The following PRR16 variants were observed in gnomAD, a reference collection of about 807,000 sequenced individuals.
PRR16 encodes proline rich 16, also known as protein Largen.
PRR16 carries 6 observed loss-of-function variants against 18.2 expected under a neutral mutation model. The ratio of observed to expected loss-of-function variants is 0.33; its 90% CI spans 0.18 to 0.65. The LOEUF is 0.65. PRR16 is among the 30% of genes least tolerant of loss of function. The pLI is 0.74. For synonymous variants in PRR16, 151 were observed against 147.8 expected (o/e 1.02, Z -0.16); for missense variants, 412 against 376.6 (o/e 1.09, Z -0.78).
chr5:120,750,676 A>T, the PRR16 span, among the ~76,000 whole-genome samples: 1 of 152,022 alleles, frequency 6.6e-6, no homozygotes, highest in African/African-American at 2.4e-5. Context: ...CAAAAAAAAA[A>T]ATTATGGATA....
At chr5:120,465,115 T>A (rs761177383) in intron 1 of PRR16, among the ~76,000 whole-genome samples, 3 of 152,050 alleles carry the variant, frequency 2.0e-5, no homozygotes, top group Non-Finnish European at 2.9e-5. Context: ...CTGGGCCAGA[T>A]CAGGGAGGGC....
At chr5:120,476,664 C>G (rs563807236) in intron 1 of PRR16, among the ~76,000 whole-genome samples, 1 of 152,180 alleles carries the variant, frequency 6.6e-6, no homozygotes, top group African/African-American at 2.4e-5. Flanking sequence ...GAACAATCCT[C>G]CCCTACCTCT....
intron 1 of PRR16, among the ~76,000 whole-genome samples, chr5:120,488,822 G>A (rs1292773956): frequency 1.3e-5 from 2 of 152,068 alleles, no homozygotes; most frequent in Non-Finnish European, 2.9e-5. Context: ...TGCTTTGAAT[G>A]TGTCTCCCAG....
chr5:120,674,007 C>T lies in PRR16; in HGVS notation c.160-11947C>T, dbSNP rs557184403. Among the ~76,000 whole-genome samples the T allele has an allele frequency of 2.6e-5, 4 of 151,322 alleles. No homozygotes were observed. The South Asian group carries it at 8.3e-4, about 32-fold the overall frequency. On this transcript the variant is annotated intron_variant, in intron 1 of 1. Coordinates refer to ENST00000407149, the MANE Select transcript of PRR16 (RefSeq NM_001300783.2). The stretch of plus-strand genomic sequence containing the variant: ...TGTGCATTCATCTACAGTCTATGTA[C>T]AAATACTTCCTACATTTTTTTTATC...
the PRR16 span, among the ~76,000 whole-genome samples, chr5:120,746,664 G>C: frequency 6.6e-6 from 1 of 151,952 alleles, no homozygotes; most frequent in African/African-American, 2.4e-5. Flanking sequence ...CCAGAAATTT[G>C]TTTTCAATTT....
intron 1 of PRR16, among the ~76,000 whole-genome samples, chr5:120,492,050 A>G (rs1243233286): frequency 1.3e-5 from 2 of 150,910 alleles, no homozygotes; most frequent in East Asian, 2.0e-4. Flanking sequence ...ATAGTGTTCA[A>G]TCTCTTTGTT....
intron 1 of PRR16, among the ~76,000 whole-genome samples, chr5:120,562,525 G>T (rs1752609133): frequency 6.6e-6 from 1 of 151,892 alleles, no homozygotes; most frequent in African/African-American, 2.4e-5. Context: ...TGTTATTTAT[G>T]TTCTGATTGT....
At chr5:120,636,089 C>T (rs1235382000) in intron 1 of PRR16, among the ~76,000 whole-genome samples, 2 of 152,032 alleles carry the variant, frequency 1.3e-5, no homozygotes, top group Admixed American at 1.3e-4. Flanking sequence ...AAGACTTCTA[C>T]AAGGAAAACT....
chr5:120,559,097 C>A (rs1217873982), intron 1 of PRR16, among the ~76,000 whole-genome samples: 1 of 151,788 alleles, frequency 6.6e-6, no homozygotes, highest in Non-Finnish European at 1.5e-5. Context: ...TGTGTTGTCT[C>A]CTCACTTTAT....
Position 120,542,286 on chromosome 5 carries a change from G to A in PRR16, c.159+77641G>A, listed in dbSNP as rs556896079. 1.4e-3 allele frequency among the ~76,000 whole-genome samples: 211 copies of A among 152,028 alleles called. 1 individual carries two copies. The highest frequency in any genetic ancestry group is 4.9e-3 in the African/African-American group (204 of 41,462). ...TAACTTCTGTTTTTACTTCTAACTC[G>A]TATGGCATTCTCATCTTTATTAATG... On this transcript the variant is annotated intron_variant, in intron 1 of 1. Transcript: ENST00000407149.
At chr5:120,701,722 G>C in the PRR16 span, among the ~76,000 whole-genome samples, 1 of 152,126 alleles carries the variant, frequency 6.6e-6, no homozygotes, top group South Asian at 2.1e-4. Context: ...GCTTGGGGTT[G>C]GTACTGAGGG....
At chr5:120,710,303 TAA>T in the PRR16 span, among the ~76,000 whole-genome samples, 1 of 152,144 alleles carries the variant, frequency 6.6e-6, no homozygotes, top group Non-Finnish European at 1.5e-5. Flanking sequence ...CAAGGCTTTT[TAA>T]AAAATTTATC....
At chr5:120,491,458 CCT>C (rs1466835924) in intron 1 of PRR16, among the ~76,000 whole-genome samples, 2 of 97,638 alleles carry the variant, frequency 2.0e-5, no homozygotes, top group African/African-American at 4.9e-5. Flanking sequence ...CCTTTCCTTT[CCT>C]TTCCTTTCCT....
At chr5:120,666,693 C>T (rs1187628356) in intron 1 of PRR16, among the ~76,000 whole-genome samples, 3 of 148,330 alleles carry the variant, frequency 2.0e-5, no homozygotes, top group African/African-American at 7.4e-5. Flanking sequence ...TGTCAAAGGC[C>T]TTTTCTGCAT....
intron 1 of PRR16, among the ~76,000 whole-genome samples, chr5:120,584,507 T>G (rs1005942406): frequency 1.3e-5 from 2 of 152,220 alleles, no homozygotes; most frequent in African/African-American, 4.8e-5. Flanking sequence ...TCTTGAATTT[T>G]AAAAAGTATT....
chr5:120,531,478 C>G (rs1751549426), intron 1 of PRR16: 3 of 152,004 alleles, frequency 2.0e-5, no homozygotes, highest in Admixed American at 2.0e-4. Flanking sequence ...TGTCTGGTAT[C>G]CAGCTTTTAA....
chr5:120,573,388 A>T (rs1241651909), intron 1 of PRR16, among the ~76,000 whole-genome samples: 1 of 152,210 alleles, frequency 6.6e-6, no homozygotes. Context: ...TGAACTTAAA[A>T]GCCTTTGGAC....
chr5:120,750,050 AT>A, the PRR16 span, among the ~76,000 whole-genome samples: 2 of 152,214 alleles, frequency 1.3e-5, no homozygotes, highest in East Asian at 3.9e-4. Context: ...ATTCTCTAAA[AT>A]TTTTTCATTT....
the PRR16 span, among the ~76,000 whole-genome samples, chr5:120,707,592 C>T: frequency 6.6e-5 from 10 of 152,164 alleles, no homozygotes; most frequent in African/African-American, 2.4e-4. Context: ...TGTTATGTTC[C>T]GTATTTTTAA....
Sources: gnomAD v4.1 joint callset for allele counts (sites outside exome capture counted in the v4.1 genomes callset) on GRCh38, gnomAD v4.1.1 for gene constraint, MANE v1.5 for transcripts, NCBI Gene and HGNC (gene_info 2026-07-23, HGNC 2026-07-21) for gene names.